The following RBFOX1 variants were observed in gnomAD, a reference collection of about 807,000 sequenced individuals.
RBFOX1 encodes the protein RNA binding fox-1 homolog 1.
A neutral mutation model predicts 57.7 loss-of-function variants in RBFOX1; 8 were observed. The observed-to-expected ratio is 0.14, with a 90% CI of 0.08 to 0.25. RBFOX1 has a LOEUF of 0.25. Among genes scored for constraint, RBFOX1 ranks in the 10% least tolerant of loss-of-function variants. The pLI is 1.00. For synonymous variants in RBFOX1, 326 were observed against 222.4 expected (o/e 1.47, Z -4.15); for missense variants, 611 against 548.5 (o/e 1.11, Z -1.14).
At chr16:7,074,225 G>A (rs2057896973) in intron 4 of RBFOX1, among the ~76,000 whole-genome samples, 1 of 152,190 alleles carries the variant, frequency 6.6e-6, no homozygotes, top group Admixed American at 6.5e-5. Flanking sequence ...TGAAATAACT[G>A]TTTGAAATAT....
chr16:5,975,714 C>G (rs931419016), intron 4 of RBFOX1, among the ~76,000 whole-genome samples: 2 of 152,162 alleles, frequency 1.3e-5, no homozygotes, highest in African/African-American at 4.8e-5. Flanking sequence ...AGCTTAATGT[C>G]AAAATGCTTG....
chr16:6,971,201 A>G (rs1198010185), intron 3 of RBFOX1, among the ~76,000 whole-genome samples: 1 of 152,162 alleles, frequency 6.6e-6, no homozygotes, highest in Non-Finnish European at 1.5e-5. Context: ...CAGAGATTTT[A>G]AAATATAGAA....
At chr16:5,401,469 G>C (rs974913146) in intron 1 of RBFOX1, among the ~76,000 whole-genome samples, 1 of 152,130 alleles carries the variant, frequency 6.6e-6, no homozygotes, top group African/African-American at 2.4e-5. Context: ...CTGCAGCTTT[G>C]TGATGGGGCC....
rs1602421786 is a variant in RBFOX1 at position 7,190,972 on chromosome 16, G to C, written c.27+138874G>C. On this transcript the variant is annotated intron_variant, in intron 4 of 15. Coordinates refer to ENST00000550418, the MANE Select transcript of RBFOX1 (RefSeq NM_018723.4). ...CCCTAATCATCTCAATCAGAACCTT[G>C]AAAAAGGGGCCCAGGAATGCGAAGT... is the stretch of plus-strand genomic sequence containing the variant. Among the ~76,000 whole-genome samples, 3 of 151,490 alleles carry C rather than the reference G, an allele frequency of 2.0e-5. No homozygotes were observed. In the East Asian group the frequency reaches 5.8e-4, roughly 29 times the overall value.
chr16:6,282,943 C>T (rs530369703), intron 1 of RBFOX1, among the ~76,000 whole-genome samples: 3 of 152,174 alleles, frequency 2.0e-5, no homozygotes, highest in Non-Finnish European at 4.4e-5. Flanking sequence ...GTTAAGAGAA[C>T]CCTCACTTGA....
intron 2 of RBFOX1, among the ~76,000 whole-genome samples, chr16:6,523,335 G>C (rs141816915): frequency 2.4e-3 from 361 of 152,286 alleles, no homozygotes; most frequent in African/African-American, 7.7e-3. Flanking sequence ...TTGGACGACA[G>C]AGGTGTTTAG....
intron 4 of RBFOX1, among the ~76,000 whole-genome samples, chr16:7,361,073 C>G (rs369350665): frequency 6.6e-6 from 1 of 152,164 alleles, no homozygotes; most frequent in Non-Finnish European, 1.5e-5. Flanking sequence ...ACTCTGCCTG[C>G]TGGGGGTTTC....
At chr16:6,597,699 G>C (rs1265138237) in intron 2 of RBFOX1, among the ~76,000 whole-genome samples, 1 of 151,972 alleles carries the variant, frequency 6.6e-6, no homozygotes, top group African/African-American at 2.4e-5. Flanking sequence ...CCAAAAAACA[G>C]GGACCCAATT....
chr16:6,070,536 A>T (rs1008799982), intron 1 of RBFOX1, among the ~76,000 whole-genome samples: 1 of 152,168 alleles, frequency 6.6e-6, no homozygotes, highest in Non-Finnish European at 1.5e-5. Flanking sequence ...TTGTTTTTAG[A>T]TTAGCTCTGG....
At chr16:5,909,542 G>C (rs185921660) in intron 4 of RBFOX1, among the ~76,000 whole-genome samples, 1 of 152,192 alleles carries the variant, frequency 6.6e-6, no homozygotes, top group African/African-American at 2.4e-5. Flanking sequence ...CAGGAGGCAC[G>C]GTTTATAGAC....
At chr16:6,341,242 C>T (rs1168131660) in intron 2 of RBFOX1, among the ~76,000 whole-genome samples, 1 of 152,102 alleles carries the variant, frequency 6.6e-6, no homozygotes, top group African/African-American at 2.4e-5. Context: ...TTTTTGGCCA[C>T]TAGAGGCTGC....
intron 1 of RBFOX1, among the ~76,000 whole-genome samples, chr16:6,215,885 A>G (rs2097332850): frequency 6.6e-6 from 1 of 152,156 alleles, no homozygotes; most frequent in Non-Finnish European, 1.5e-5. Flanking sequence ...CACTGAAAGG[A>G]TCCACAAGAT....
At chr16:5,527,247 C>G (rs1044353578) in intron 2 of RBFOX1, among the ~76,000 whole-genome samples, 3 of 152,150 alleles carry the variant, frequency 2.0e-5, no homozygotes, top group African/African-American at 4.8e-5. Flanking sequence ...ATTCCAGAGT[C>G]AAGTGATCAT....
intron 5 of RBFOX1, among the ~76,000 whole-genome samples, chr16:7,551,668 C>G (rs1369399835): frequency 1.3e-5 from 2 of 152,142 alleles, no homozygotes; most frequent in Non-Finnish European, 2.9e-5. Flanking sequence ...GTTACTCTAG[C>G]TGGTTCAGTG....
At chr16:6,050,238 C>A (rs1187780055) in intron 1 of RBFOX1, among the ~76,000 whole-genome samples, 1 of 152,160 alleles carries the variant, frequency 6.6e-6, no homozygotes, top group Non-Finnish European at 1.5e-5. Context: ...GGGATTACAG[C>A]TGTGAGCCAC....
At chr16:6,561,721 G>A (rs1201027198) in intron 2 of RBFOX1, among the ~76,000 whole-genome samples, 3 of 152,104 alleles carry the variant, frequency 2.0e-5, no homozygotes, top group African/African-American at 4.8e-5. Flanking sequence ...ACACCAGGAT[G>A]AATTTTTAAA....
At chr16:6,730,270 G>A (rs973348822) in intron 3 of RBFOX1, among the ~76,000 whole-genome samples, 2 of 152,070 alleles carry the variant, frequency 1.3e-5, no homozygotes, top group African/African-American at 4.8e-5. Flanking sequence ...ACCAGTGTAC[G>A]GCCCTAAGGA....
intron 3 of RBFOX1, among the ~76,000 whole-genome samples, chr16:6,947,175 A>G (rs1389053888): frequency 6.6e-6 from 1 of 152,166 alleles, no homozygotes; most frequent in Non-Finnish European, 1.5e-5. Flanking sequence ...ACTGGCTGTG[A>G]TTTCAACTCT....
At chr16:6,558,120 CTT>C (rs1458606930) in intron 2 of RBFOX1, among the ~76,000 whole-genome samples, 1 of 152,084 alleles carries the variant, frequency 6.6e-6, no homozygotes, top group Admixed American at 6.5e-5. Flanking sequence ...CAAATCAGTG[CTT>C]TATAAGTCTT....
Sources: gnomAD v4.1 joint callset for allele counts (sites outside exome capture counted in the v4.1 genomes callset) on GRCh38, gnomAD v4.1.1 for gene constraint, MANE v1.5 for transcripts, NCBI Gene and HGNC (gene_info 2026-07-23, HGNC 2026-07-21) for gene names.